Variants in CCR5AS observed in about 807,000 individuals in gnomAD.
CCR5AS encodes the protein CCR5 antisense RNA.
intron 1 of CCR5AS, among the ~76,000 whole-genome samples, chr3:46,399,405 T>C (rs991435275): frequency 3.9e-5 from 6 of 152,032 alleles, no homozygotes; most frequent in African/African-American, 1.5e-4. Context: ...GAGTAGGGAA[T>C]GAGCAGTGAT....
At chr3:46,376,619 C>T (rs1183370905) in intron 2 of CCR5AS, among the ~76,000 whole-genome samples, 1 of 152,130 alleles carries the variant, frequency 6.6e-6, no homozygotes, top group African/African-American at 2.4e-5. Flanking sequence ...TACCCGCAGC[C>T]CTGAGTTGTA....
chr3:46,398,445 C>T (rs924974215), intron 1 of CCR5AS, among the ~76,000 whole-genome samples: 4 of 152,168 alleles, frequency 2.6e-5, no homozygotes, highest in South Asian at 2.1e-4. Flanking sequence ...AGAAGCTCCA[C>T]GCACTAGTAT....
chr3:46,391,876 A>G (rs1329560160), intron 2 of CCR5AS, among the ~76,000 whole-genome samples: 1 of 152,148 alleles, frequency 6.6e-6, no homozygotes, highest in East Asian at 1.9e-4. Flanking sequence ...GGAGGATTCA[A>G]AGGACTCAGA....
chr3:46,364,131 T>A (rs918002952), downstream of CCR5AS, among the ~76,000 whole-genome samples: 2 of 152,200 alleles, frequency 1.3e-5, no homozygotes, highest in African/African-American at 4.8e-5. Context: ...AACAACAGAT[T>A]TTCAGTGTAG....
At chr3:46,385,899 C>T (rs1309020457) in intron 2 of CCR5AS, among the ~76,000 whole-genome samples, 1 of 151,982 alleles carries the variant, frequency 6.6e-6, no homozygotes, top group African/African-American at 2.4e-5. Flanking sequence ...CACCACAACG[C>T]CTAGCTAATT....
At chr3:46,383,477 C>T (rs1385795226) in intron 2 of CCR5AS, among the ~76,000 whole-genome samples, 1 of 152,148 alleles carries the variant, frequency 6.6e-6, no homozygotes, top group Non-Finnish European at 1.5e-5. Context: ...GGCAAAGCCC[C>T]ATGGGCAGGG....
At chr3:46,382,537 T>C (rs1416750097) in intron 2 of CCR5AS, among the ~76,000 whole-genome samples, 1 of 152,224 alleles carries the variant, frequency 6.6e-6, no homozygotes, top group Non-Finnish European at 1.5e-5. Context: ...TATTACCCCA[T>C]ACAAATGATG....
chr3:46,403,008 T>C (rs533115396), intron 1 of CCR5AS, among the ~76,000 whole-genome samples: 155 of 152,380 alleles, frequency 1.0e-3, no homozygotes, highest in Non-Finnish European at 1.6e-3. Flanking sequence ...TTTCTGTTCC[T>C]GTGTTAGTTT....
chr3:46,383,506 A>G (rs1479249088), intron 2 of CCR5AS, among the ~76,000 whole-genome samples: 2 of 152,178 alleles, frequency 1.3e-5, no homozygotes, highest in African/African-American at 4.8e-5. Flanking sequence ...GGCACAGGAA[A>G]CAAGTAGGAT....
At chr3:46,394,073 G>A (rs528916309) in intron 1 of CCR5AS, among the ~76,000 whole-genome samples, 10 of 152,200 alleles carry the variant, frequency 6.6e-5, no homozygotes, top group South Asian at 4.2e-4. Context: ...TAATTCCAGC[G>A]TTTCAGTTCT....
chr3:46,368,109 C>G (rs1358451012), intron 3 of CCR5AS, among the ~76,000 whole-genome samples: 1 of 152,038 alleles, frequency 6.6e-6, no homozygotes, highest in Non-Finnish European at 1.5e-5. Context: ...ATGGTGTGAG[C>G]AAGGAGACAG....
intron 2 of CCR5AS, among the ~76,000 whole-genome samples, chr3:46,392,003 G>A (rs1003765609): frequency 9.9e-5 from 15 of 152,166 alleles, no homozygotes; most frequent in African/African-American, 3.6e-4. Flanking sequence ...TGGACGTCAG[G>A]CACCTCAGAC....
intron 1 of CCR5AS, among the ~76,000 whole-genome samples, chr3:46,398,519 C>G (rs1214257312): frequency 6.6e-6 from 1 of 151,800 alleles, no homozygotes; most frequent in Non-Finnish European, 1.5e-5. Context: ...AATCAAAATC[C>G]AAAAAAAGCA....
intron 2 of CCR5AS, among the ~76,000 whole-genome samples, chr3:46,377,973 G>A (rs1701779723): frequency 6.6e-6 from 1 of 152,188 alleles, no homozygotes; most frequent in Non-Finnish European, 1.5e-5. Flanking sequence ...CCACCGAAGT[G>A]CTGGGATTAC....
At chr3:46,394,545 C>G (rs957572110) in intron 1 of CCR5AS, among the ~76,000 whole-genome samples, 2 of 152,182 alleles carry the variant, frequency 1.3e-5, no homozygotes, top group African/African-American at 4.8e-5. Context: ...ACACCACTCT[C>G]TCAAGCCTCC....
chr3:46,385,369 A>G (rs1701851927), intron 2 of CCR5AS, among the ~76,000 whole-genome samples: 1 of 152,220 alleles, frequency 6.6e-6, no homozygotes, highest in African/African-American at 2.4e-5. Context: ...AACTGTTGAA[A>G]TAGCTGCATA....
intron 2 of CCR5AS, chr3:46,373,211 CTT>C (rs776790089): frequency 1.2e-6 from 2 of 1,614,212 alleles, no homozygotes; most frequent in South Asian, 2.2e-5. Flanking sequence ...TGTGTCAACT[CTT>C]GACAGGGCTC....
At chr3:46,371,380 G>A (rs533537621) in exon 3 of CCR5AS, 95 of 152,286 alleles carry the variant, frequency 6.2e-4, no homozygotes, top group African/African-American at 2.3e-3. Flanking sequence ...TCTAAGTCTG[G>A]TTCTCTTTTT....
At chr3:46,400,038 A>G (rs564542544) in intron 1 of CCR5AS, among the ~76,000 whole-genome samples, 136 of 152,114 alleles carry the variant, frequency 8.9e-4, no homozygotes, top group Non-Finnish European at 1.8e-3. Flanking sequence ...CACAGGCTGG[A>G]GTGTAGTAGT....
Sources: allele counts gnomAD v4.1 joint callset (sites outside exome capture counted in the v4.1 genomes callset), GRCh38; gene constraint gnomAD v4.1.1; transcripts MANE v1.5; gene names NCBI Gene and HGNC (gene_info 2026-07-23, HGNC 2026-07-21).